SUSD1: variants seen among roughly 807,000 people sequenced by gnomAD.
The protein encoded by SUSD1 is sushi domain containing 1, also known as sushi domain-containing protein 1.
In SUSD1, 65 loss-of-function variants were observed where a neutral mutation model predicts 86.9. The ratio of observed to expected loss-of-function variants is 0.75; its 90% CI spans 0.61 to 0.92. The LOEUF (loss-of-function observed/expected upper bound fraction) is 0.92. Among genes scored for constraint, SUSD1 ranks in the 40% least tolerant of loss-of-function variants. The probability of loss-of-function intolerance (pLI) is 0.00; values close to 1 mark genes in which losing one functional copy is unlikely to be tolerated. For synonymous variants in SUSD1, 346 were observed against 350.0 expected (o/e 0.99, Z 0.13); for missense variants, 850 against 929.7 (o/e 0.91, Z 1.11).
intron 8 of SUSD1, chr9:112,103,158 T>C (rs1003932264): frequency 2.2e-6 from 1 of 462,072 alleles, no homozygotes; most frequent in South Asian, 1.6e-5. Flanking sequence ...CCCGTGGGAG[T>C]TTCTGCTACC....
intron 1 of SUSD1, among the ~76,000 whole-genome samples, chr9:112,170,706 T>TAGAGAGAG (rs765076866): frequency 1.2e-4 from 11 of 88,306 alleles, no homozygotes; most frequent in African/African-American, 5.6e-4. Flanking sequence ...TATATATATA[T>TAGAGAGAG]ATATAGAGAG....
At chr9:112,129,568 C>T (rs1831926485) in intron 5 of SUSD1, among the ~76,000 whole-genome samples, 1 of 152,228 alleles carries the variant, frequency 6.6e-6, no homozygotes, top group South Asian at 2.1e-4. Context: ...CCACTTCGCC[C>T]TCCCAAAGTG....
At chr9:112,171,068 T>C (rs1834026756) in intron 1 of SUSD1, among the ~76,000 whole-genome samples, 1 of 152,178 alleles carries the variant, frequency 6.6e-6, no homozygotes, top group Non-Finnish European at 1.5e-5. Flanking sequence ...CCAGGAACTC[T>C]GTAGCAATCA....
At chr9:112,158,114 G>A (rs1833416686) in intron 1 of SUSD1, among the ~76,000 whole-genome samples, 1 of 151,712 alleles carries the variant, frequency 6.6e-6, no homozygotes, top group African/African-American at 2.4e-5. Context: ...GTGAGCCACC[G>A]AGCTAGGCCA....
chr9:112,076,915 A>G (rs1829540383), intron 12 of SUSD1, among the ~76,000 whole-genome samples: 1 of 152,220 alleles, frequency 6.6e-6, no homozygotes, highest in South Asian at 2.1e-4. Flanking sequence ...CGGAGATCAA[A>G]CGAAGAGCCT....
In SUSD1 at chr9:112,043,556, T is replaced by C. The variant is rs192853919; in HGVS notation, c.2150-1596A>G. On this transcript the variant is annotated intron_variant, in intron 15 of 16. Transcript: ENST00000374270. ...GATTTGAGTAATAATAAAACTCCAG[T>C]CTCCCATACAGTTGGCTCTGTGTGA... Among the ~76,000 whole-genome samples the C allele has an allele frequency of 7.0e-4, 106 of 152,180 alleles. No homozygotes were observed. The Middle Eastern group carries it at 0.01, about 15-fold the overall frequency.
At chr9:112,125,703 A>G (rs918226423) in intron 5 of SUSD1, among the ~76,000 whole-genome samples, 1 of 152,246 alleles carries the variant, frequency 6.6e-6, no homozygotes, top group Non-Finnish European at 1.5e-5. Flanking sequence ...TTTTATTGAG[A>G]TAACAGCATT....
chr9:112,078,808 TC>T, intron 11 of SUSD1, 84 bp from the exon 12 acceptor site: 1 of 1,110,506 alleles, frequency 9.0e-7, no homozygotes. Context: ...CCTTTTTCTT[TC>T]TCTTTTTTTT....
At chr9:112,049,071 G>A (rs1354730397) in intron 15 of SUSD1, among the ~76,000 whole-genome samples, 2 of 152,220 alleles carry the variant, frequency 1.3e-5, no homozygotes, top group East Asian at 3.8e-4. Context: ...AGGCTGGAAT[G>A]ACGAGGGAAA....
chr9:112,156,584 A>G lies in SUSD1; in HGVS notation c.217+916T>C, dbSNP rs554182932. Among the ~76,000 whole-genome samples the G allele has an allele frequency of 8.5e-5, 13 of 152,176 alleles. No individual in the cohort carries two copies. The South Asian group carries it at 2.7e-3, about 32-fold the overall frequency. The stretch of plus-strand genomic sequence containing the variant: ...ACCACATGTGGCTAATTTAAAAAAA[A>G]CTTTTTTTAGATATGGGGGTCTCAC... On this transcript the variant is annotated intron_variant, in intron 2 of 16. Coordinates refer to ENST00000374270, the MANE Select transcript of SUSD1 (RefSeq NM_022486.5).
chr9:112,114,796 C>T (rs983223000), intron 6 of SUSD1, among the ~76,000 whole-genome samples: 1 of 152,176 alleles, frequency 6.6e-6, no homozygotes, highest in Non-Finnish European at 1.5e-5. Flanking sequence ...CCTGTGGGGA[C>T]AGGAGCTGGT....
chr9:112,125,807 AC>A, intron 5 of SUSD1, among the ~76,000 whole-genome samples: 1 of 152,238 alleles, frequency 6.6e-6, no homozygotes, highest in Non-Finnish European at 1.5e-5. Flanking sequence ...AGCCTCTGAT[AC>A]AGAATGTGTG....
At chr9:112,069,878 T>C (rs906560304) in intron 12 of SUSD1, among the ~76,000 whole-genome samples, 9 of 152,154 alleles carry the variant, frequency 5.9e-5, no homozygotes, top group Non-Finnish European at 1.0e-4. Context: ...TTTCCCAATC[T>C]AGAGTCACAG....
intron 10 of SUSD1, among the ~76,000 whole-genome samples, chr9:112,080,830 C>T (rs1829736956): frequency 1.3e-5 from 2 of 152,042 alleles, no homozygotes; most frequent in African/African-American, 2.4e-5. Flanking sequence ...AGTGTCGGTT[C>T]GAAATTCTGA....
At chr9:112,096,206 T>C (rs541069122) in intron 10 of SUSD1, among the ~76,000 whole-genome samples, 1 of 152,174 alleles carries the variant, frequency 6.6e-6, no homozygotes, top group Non-Finnish European at 1.5e-5. Flanking sequence ...CCTGACACCA[T>C]GGGCCTCTCA....
intron 6 of SUSD1, among the ~76,000 whole-genome samples, chr9:112,122,778 T>C (rs1342057519): frequency 6.6e-6 from 1 of 152,232 alleles, no homozygotes; most frequent in Non-Finnish European, 1.5e-5. Flanking sequence ...GGGATACTCA[T>C]ATAATGGACT....
rs1258259385 is a variant in SUSD1, at chr9:112,112,796, C to T, written c.959G>A (p.Arg320Lys). ...TCVRWQINSR[R>K]INPKISYVIS... The stretch of plus-strand genomic sequence containing the variant: ...CACATATGAGATCTTGGGGTTTATT[C>T]TTCTTGAGTTTATTTGCCATCTCAC... Residue 320 changes from arginine to lysine, a missense_variant, in exon 7 of 17, where the codon AGA becomes AAA. Physicochemically the swap from Arg to Lys is conservative, Grantham distance 26. Transcript: ENST00000374270. 1 of 1,612,692 alleles carries T rather than the reference C, an allele frequency of 6.2e-7. No homozygotes were observed. The highest frequency in any genetic ancestry group is 8.5e-7 in the Non-Finnish European group (1 of 1,178,850).
chr9:112,119,587 C>G (rs1831468288), intron 6 of SUSD1, among the ~76,000 whole-genome samples: 1 of 152,208 alleles, frequency 6.6e-6, no homozygotes, highest in African/African-American at 2.4e-5. Flanking sequence ...TAATCATTAA[C>G]TCAGATTCTA....
intron 15 of SUSD1, chr9:112,052,005 T>C (rs1217937371): frequency 3.9e-6 from 2 of 513,682 alleles, no homozygotes; most frequent in Non-Finnish European, 6.0e-6. Context: ...TTTCCCCGAA[T>C]TGAAAAGCTA....
Sources: gnomAD v4.1 joint callset for allele counts (sites outside exome capture counted in the v4.1 genomes callset) on GRCh38, gnomAD v4.1.1 for gene constraint, MANE v1.5 for transcripts, NCBI Gene and HGNC (gene_info 2026-07-23, HGNC 2026-07-21) for gene names.